EPHB1: variants seen among roughly 807,000 people sequenced by gnomAD.
The protein encoded by EPHB1 is EPH receptor B1.
In EPHB1, 30 loss-of-function variants were observed where a neutral mutation model predicts 94.4. The ratio of observed to expected loss-of-function variants is 0.32; its 90% CI spans 0.24 to 0.43. The LOEUF is 0.43. EPHB1 is among the 20% of genes least tolerant of loss of function. The pLI is 1.00. For synonymous variants in EPHB1, 522 were observed against 489.1 expected (o/e 1.07, Z -0.89); for missense variants, 1,055 against 1,308.3 (o/e 0.81, Z 2.99).
chr3:135,162,111 G>A lies in EPHB1; in HGVS notation c.1516G>A (p.Val506Met). Residue 506 changes from valine (V) to methionine (M), a missense_variant, in exon 7 of 16, where the codon GTG (valine) becomes ATG (methionine). Transcript: ENST00000398015. The stretch of plus-strand genomic sequence containing the variant: ...GCCTGGCATGGTATATGTGGTACAG[G>A]TGCGTGCCCGCACTGTTGCTGGCTA... Reference protein sequence around the residue: ...LRPGMVYVVQVRARTVAGYGK... With the variant: ...LRPGMVYVVQMRARTVAGYGK... The A allele has an allele frequency of 1.2e-6, 2 of 1,613,340 alleles. No individual in the cohort carries two copies. Among genetic ancestry groups the A allele is most frequent in the Non-Finnish European group, 8.5e-7 (1 of 1,179,538 alleles).
At position 134,882,669 on chromosome 3, in the gene EPHB1, C is replaced by T. The variant is rs1419048217; in HGVS notation, c.59-43147C>T. On this transcript the variant is annotated intron_variant, in intron 1 of 15. Transcript: ENST00000398015. The stretch of plus-strand genomic sequence containing the variant: ...CTTGCAATCTTTCTCTCCTTCCTTC[C>T]TTCCTTCCTTCTTTCCTTCTTCTTT... 2.6e-5 allele frequency among the ~76,000 whole-genome samples: 4 copies of T among 151,380 alleles called. 1 individual carries two copies. Among genetic ancestry groups the T allele is most frequent in the Admixed American group, 1.3e-4 (2 of 15,134 alleles).
intron 3 of EPHB1, among the ~76,000 whole-genome samples, chr3:135,059,365 C>T (rs1287352697): frequency 2.6e-5 from 4 of 152,172 alleles, no homozygotes; most frequent in Non-Finnish European, 4.4e-5. Flanking sequence ...TCACTTTTCT[C>T]CTGGAGGGTT....
At chr3:134,894,567 A>T (rs1222652711) in intron 1 of EPHB1, among the ~76,000 whole-genome samples, 1 of 152,086 alleles carries the variant, frequency 6.6e-6, no homozygotes, top group African/African-American at 2.4e-5. Flanking sequence ...TAAAGCCCAG[A>T]TTGTTGGTTT....
At chr3:135,132,363 G>A (rs1195007233) in intron 4 of EPHB1, among the ~76,000 whole-genome samples, 3 of 152,076 alleles carry the variant, frequency 2.0e-5, no homozygotes, top group Non-Finnish European at 2.9e-5. Flanking sequence ...TCCAGTAAAT[G>A]TTCAATATAT....
intron 3 of EPHB1, among the ~76,000 whole-genome samples, chr3:135,001,690 TTGC>T (rs1049229551): frequency 6.6e-6 from 1 of 152,124 alleles, no homozygotes; most frequent in African/African-American, 2.4e-5. Flanking sequence ...GTTCTTCCCT[TTGC>T]TGCTGCTGCT....
intron 3 of EPHB1, among the ~76,000 whole-genome samples, chr3:135,050,499 G>A (rs1002827382): frequency 3.3e-5 from 5 of 152,190 alleles, no homozygotes; most frequent in Non-Finnish European, 5.9e-5. Context: ...CGTGTGGGAA[G>A]GTGAGTGGCT....
Position 134,925,863 on chromosome 3 carries a change from G to T in EPHB1, c.106G>T (p.Ala36Ser). ...GGCTACTGCAGAGCTGGGCTGGACG[G>T]CCAATCCTGCGTCCGGGGTGAGTAT... ...RTATAELGWT[A>S]NPASGWEEVS... is the part of the protein sequence containing the mutation. Residue 36 changes from alanine to serine, a missense_variant, in exon 2 of 16, where the codon GCC becomes TCC. Transcript: ENST00000398015. The T allele has an allele frequency of 6.2e-7, 1 of 1,604,518 alleles. No individual in the cohort carries two copies. The highest frequency in any genetic ancestry group is 8.5e-7 in the Non-Finnish European group (1 of 1,175,266).
intron 1 of EPHB1, among the ~76,000 whole-genome samples, chr3:134,883,910 C>A (rs936167065): frequency 6.6e-6 from 1 of 152,210 alleles, no homozygotes; most frequent in Non-Finnish European, 1.5e-5. Context: ...AAATTCACTT[C>A]ATGCATCATC....
chr3:135,017,316 A>G lies in EPHB1; in HGVS notation c.805+65264A>G, dbSNP rs574491458. Among the ~76,000 whole-genome samples the G allele has an allele frequency of 1.3e-4, 20 of 152,346 alleles. 1 individual carries two copies. The South Asian group carries it at 3.9e-3, about 30-fold the overall frequency. ...AAAGGGAAATTAAAAGAAAACAAACAAAAGAGAGATTTTCCCAGAGGGGAA... is the reference window on the plus strand; with the variant it reads ...AAAGGGAAATTAAAAGAAAACAAACGAAAGAGAGATTTTCCCAGAGGGGAA... On this transcript the variant is annotated intron_variant, in intron 3 of 15. Transcript: ENST00000398015.
At position 135,241,177 on chromosome 3, in the gene EPHB1, T is replaced by C. The variant is rs2107728066; in HGVS notation, c.2376T>C (p.Ala792=). 6.2e-7 allele frequency: 1 copy of C among 1,614,198 alleles called. No homozygotes were observed. Among genetic ancestry groups the C allele is most frequent in the Non-Finnish European group, 8.5e-7 (1 of 1,180,042 alleles). Residue 792 remains alanine (A), a synonymous_variant, in exon 13 of 16, where the codon GCT becomes GCC. Coordinates refer to ENST00000398015, the MANE Select transcript of EPHB1 (RefSeq NM_004441.5). ...GGAAGATCCCTGTGAGATGGACAGCTCCAGAGGCCATCGCCTACCGCAAGT... is the reference window on the plus strand; with the variant it reads ...GGAAGATCCCTGTGAGATGGACAGCCCCAGAGGCCATCGCCTACCGCAAGT... The part of the protein sequence containing the change: ...LGGKIPVRWT[A]PEAIAYRKFT...
At chr3:135,030,157 C>T (rs1010123652) in intron 3 of EPHB1, among the ~76,000 whole-genome samples, 12 of 151,866 alleles carry the variant, frequency 7.9e-5, no homozygotes, top group Non-Finnish European at 1.6e-4. Flanking sequence ...AACTTCTTTG[C>T]CTTTGGTTTG....
At chr3:135,173,999 G>C (rs1941894927) in intron 9 of EPHB1, among the ~76,000 whole-genome samples, 1 of 152,140 alleles carries the variant, frequency 6.6e-6, no homozygotes, top group East Asian at 1.9e-4. Context: ...TTTGAAATTT[G>C]TCTTGTCTCT....
chr3:134,818,048 A>G (rs1463870910), intron 1 of EPHB1, among the ~76,000 whole-genome samples: 1 of 152,158 alleles, frequency 6.6e-6, no homozygotes, highest in Non-Finnish European at 1.5e-5. Flanking sequence ...GGAGTTCTCC[A>G]TTCCACTGAC....
intron 3 of EPHB1, among the ~76,000 whole-genome samples, chr3:135,098,630 G>T (rs1312321035): frequency 6.6e-6 from 1 of 151,298 alleles, no homozygotes; most frequent in African/African-American, 2.4e-5. Context: ...TCTAGAATAA[G>T]TTTTTAGAAA....
intron 3 of EPHB1, among the ~76,000 whole-genome samples, chr3:134,969,499 C>A (rs1840953): frequency 0.089 from 13,496 of 152,132 alleles, 640 homozygotes; most frequent in East Asian, 0.14. Context: ...CAGGGGAGAG[C>A]CAATTCTTAG....
intron 1 of EPHB1, among the ~76,000 whole-genome samples, chr3:134,835,004 G>T (rs1013343169): frequency 6.6e-6 from 1 of 152,160 alleles, no homozygotes; most frequent in Non-Finnish European, 1.5e-5. Context: ...CCTCAGTCAA[G>T]TGAACAGGGG....
chr3:135,188,054 A>T (rs1559867422), intron 10 of EPHB1, among the ~76,000 whole-genome samples: 2 of 151,382 alleles, frequency 1.3e-5, no homozygotes, highest in Admixed American at 6.6e-5. Flanking sequence ...AAAAAATTAG[A>T]TAAAAGTGGT....
chr3:134,897,140 A>G (rs1033447673), intron 1 of EPHB1, among the ~76,000 whole-genome samples: 16 of 152,160 alleles, frequency 1.1e-4, no homozygotes, highest in Non-Finnish European at 1.6e-4. Flanking sequence ...CCTCTACCAT[A>G]TTTATTCCTG....
chr3:134,810,276 AGTGTGT>A (rs35841212), intron 1 of EPHB1, among the ~76,000 whole-genome samples: 4,125 of 145,868 alleles, frequency 0.028, 166 homozygotes, highest in African/African-American at 0.098. Context: ...GCACAGGAGG[AGTGTGT>A]GTGTGTGTGT....
Sources: allele counts gnomAD v4.1 joint callset (sites outside exome capture counted in the v4.1 genomes callset), GRCh38; gene constraint gnomAD v4.1.1; transcripts MANE v1.5; gene names NCBI Gene and HGNC (gene_info 2026-07-23, HGNC 2026-07-21).